OR56A3: variants seen among roughly 807,000 people sequenced by gnomAD.
OR56A3 encodes the protein olfactory receptor 56A3.
OR56A3 carries 23 observed loss-of-function variants against 17.5 expected under a neutral mutation model. The ratio of observed to expected loss-of-function variants is 1.32; its 90% CI spans 0.95 to 1.87. The LOEUF (loss-of-function observed/expected upper bound fraction) is 1.87, where lower values mean the gene tolerates loss of function less well. OR56A3 is among the 40% of genes most tolerant of loss of function. The pLI is 0.00. For synonymous variants in OR56A3, 175 were observed against 150.6 expected, an observed-to-expected ratio of 1.16 and a Z score of -1.19; for missense variants, 366 against 380.1, an observed-to-expected ratio of 0.96 and a Z score of 0.31.
At chr11:5,954,444 G>A (rs1219976196), downstream of OR56A3, among the ~76,000 whole-genome samples, 1 of 152,090 alleles carries the variant, frequency 6.6e-6, no homozygotes, top group Non-Finnish European at 1.5e-5. Flanking sequence ...TGAGTCCTGG[G>A]GAGTTAAAGT....
the OR56A3 span, among the ~76,000 whole-genome samples, chr11:5,985,144 G>A: frequency 1.1e-4 from 16 of 152,110 alleles, no homozygotes; most frequent in East Asian, 2.3e-3. Context: ...TACCAACACC[G>A]GGATCTAGCA....
the OR56A3 span, among the ~76,000 whole-genome samples, chr11:6,010,462 T>A: frequency 6.6e-6 from 1 of 152,320 alleles, no homozygotes; most frequent in African/African-American, 2.4e-5. Context: ...AGTGCTTTTA[T>A]AAAAGAGCTA....
At chr11:5,965,528 T>C in the OR56A3 span, among the ~76,000 whole-genome samples, 1 of 152,206 alleles carries the variant, frequency 6.6e-6, no homozygotes, top group African/African-American at 2.4e-5. Context: ...GGAGAATACA[T>C]TATATTAATA....
the OR56A3 span, among the ~76,000 whole-genome samples, chr11:5,978,462 A>AT: frequency 7.3e-5 from 11 of 150,992 alleles, 1 homozygote; most frequent in Non-Finnish European, 1.5e-5. Context: ...TTATTTTTTT[A>AT]TTTTTTGTGG....
the OR56A3 span, among the ~76,000 whole-genome samples, chr11:5,971,791 G>A: frequency 6.6e-6 from 1 of 152,138 alleles, no homozygotes; most frequent in Non-Finnish European, 1.5e-5. Context: ...TGAATATTGT[G>A]TCCAATTCAA....
the OR56A3 span, chr11:5,986,509 T>C: frequency 2.5e-6 from 4 of 1,613,722 alleles, no homozygotes; most frequent in African/African-American, 5.3e-5. Context: ...AATGGCTACA[T>C]AGCGATCCAG....
the OR56A3 span, chr11:5,994,660 A>G: frequency 1.3e-6 from 1 of 786,744 alleles, no homozygotes; most frequent in Non-Finnish European, 2.3e-6. Flanking sequence ...GTTCTGTCTC[A>G]TACTTGATTC....
the OR56A3 span, among the ~76,000 whole-genome samples, chr11:5,962,763 C>T: frequency 7.5e-3 from 1,147 of 152,220 alleles, 16 homozygotes; most frequent in African/African-American, 0.026. Context: ...TGGTCTCGAT[C>T]TCCTGACCTC....
At chr11:5,985,756 C>A in the OR56A3 span, 1 of 558,968 alleles carries the variant, frequency 1.8e-6, no homozygotes, top group Non-Finnish European at 3.0e-6. Flanking sequence ...ATTCACAAAT[C>A]CAGATATCCA....
the OR56A3 span, among the ~76,000 whole-genome samples, chr11:6,016,541 T>TGAAAA: frequency 5.3e-5 from 8 of 150,460 alleles, no homozygotes; most frequent in South Asian, 1.5e-3. Context: ...TTAAAAAAAA[T>TGAAAA]GAAAAAAAGA....
At chr11:5,992,174 GT>G in the OR56A3 span, among the ~76,000 whole-genome samples, 12 of 152,318 alleles carry the variant, frequency 7.9e-5, no homozygotes, top group East Asian at 2.3e-3. Context: ...AGTGGATGCT[GT>G]TGTTCAATGT....
chr11:6,001,070 G>A, the OR56A3 span: 6 of 152,280 alleles, frequency 3.9e-5, no homozygotes, highest in African/African-American at 9.6e-5. Context: ...TGAACTGTGT[G>A]GCATCATTAA....
chr11:5,986,903 G>A, the OR56A3 span: 1 of 1,611,742 alleles, frequency 6.2e-7, no homozygotes, highest in Non-Finnish European at 8.5e-7. Context: ...GGCTTGGAGA[G>A]GAAAGAGAAA....
the OR56A3 span, chr11:5,995,018 T>C: frequency 3.1e-6 from 2 of 653,146 alleles, no homozygotes; most frequent in Non-Finnish European, 2.8e-6. Context: ...GACCAGAACA[T>C]GGAGATCCGG....
the OR56A3 span, among the ~76,000 whole-genome samples, chr11:5,987,381 TC>T: frequency 6.6e-6 from 1 of 152,198 alleles, no homozygotes; most frequent in Admixed American, 6.5e-5. Context: ...CAGGGATCCA[TC>T]CTCTCCTGTA....
downstream of OR56A3, among the ~76,000 whole-genome samples, chr11:5,953,060 G>A (rs1185351339): frequency 1.3e-5 from 2 of 152,118 alleles, no homozygotes; most frequent in African/African-American, 2.4e-5. Flanking sequence ...ACCATTGATG[G>A]GCACCTAGGC....
At chr11:5,955,014 G>A (rs566285426), downstream of OR56A3, among the ~76,000 whole-genome samples, 1 of 152,302 alleles carries the variant, frequency 6.6e-6, no homozygotes, top group Non-Finnish European at 1.5e-5. Context: ...ATCATAAGCT[G>A]CAAATATACA....
the OR56A3 span, among the ~76,000 whole-genome samples, chr11:5,958,480 GTAA>G: frequency 2.0e-4 from 30 of 152,130 alleles, no homozygotes; most frequent in African/African-American, 7.0e-4. Context: ...CTTATTACAA[GTAA>G]TAAGAATAAA....
rs1358808299 is a variant in OR56A3, at chr11:5,951,036, A to G, written c.*2742A>G. The G allele has an allele frequency of 6.6e-6, 1 of 151,990 alleles. No homozygotes were observed. Among genetic ancestry groups the G allele is most frequent in the Non-Finnish European group, 1.5e-5 (1 of 67,958 alleles). 9.4% of individuals were successfully genotyped at this position (151,990 alleles called of 1,614,324 possible). On this transcript the variant is annotated 3_prime_UTR_variant, in exon 3 of 3. Coordinates refer to ENST00000641160, the MANE Select transcript of OR56A3 (RefSeq NM_001003443.3). ...CAAGGAAGTCAGGGTTTTAGAGGAG[A>G]GTAAAGTTTTTTTTGTTAATGCTGC...
Sources: allele counts gnomAD v4.1 joint callset (sites outside exome capture counted in the v4.1 genomes callset), GRCh38; gene constraint gnomAD v4.1.1; transcripts MANE v1.5; gene names NCBI Gene and HGNC (gene_info 2026-07-23, HGNC 2026-07-21).